Variants in APP observed in about 807,000 individuals in gnomAD.
The protein encoded by APP is amyloid beta precursor protein.
APP carries 31 observed loss-of-function variants against 101.4 expected under a neutral mutation model. The observed-to-expected ratio is 0.31, with a 90% CI of 0.23 to 0.41. The LOEUF is 0.41. Ranked by LOEUF, APP falls within the 10% of genes least tolerant of loss-of-function variation. The probability of loss-of-function intolerance (pLI) is 1.00; values close to 1 mark genes in which losing one functional copy is unlikely to be tolerated. For missense variants in APP, 839 were observed against 1,003.7 expected (o/e 0.84, Z 2.22); for synonymous variants, 366 against 364.4 (o/e 1.00, Z -0.05).
At chr21:25,900,076 TG>T (rs2038341089) in intron 15 of APP, among the ~76,000 whole-genome samples, 1 of 152,230 alleles carries the variant, frequency 6.6e-6, no homozygotes, top group Non-Finnish European at 1.5e-5. Flanking sequence ...CAACTCATTC[TG>T]CTGAAACGAA....
intron 10 of APP, among the ~76,000 whole-genome samples, chr21:25,975,688 C>G (rs1403803769): frequency 6.6e-6 from 1 of 152,058 alleles, no homozygotes; most frequent in Non-Finnish European, 1.5e-5. Context: ...ATTGTGGTGA[C>G]TGAAAAGATG....
chr21:26,155,722 G>A (rs978129655), intron 1 of APP, among the ~76,000 whole-genome samples: 7 of 152,108 alleles, frequency 4.6e-5, no homozygotes, highest in South Asian at 4.1e-4. Flanking sequence ...CTGGCTGGGC[G>A]CGGTGGCTCA....
chr21:26,062,783 GAA>G (rs2046323914), intron 3 of APP, among the ~76,000 whole-genome samples: 1 of 151,474 alleles, frequency 6.6e-6, no homozygotes, highest in Admixed American at 6.6e-5. Flanking sequence ...ATTTTTTTAA[GAA>G]AGAGTCTTAC....
At chr21:26,067,145 A>G (rs2046486126) in intron 3 of APP, among the ~76,000 whole-genome samples, 1 of 152,274 alleles carries the variant, frequency 6.6e-6, no homozygotes, top group African/African-American at 2.4e-5. Flanking sequence ...TAACATAAAA[A>G]GGTAAAAAGA....
chr21:26,079,725 G>A (rs982953680), intron 3 of APP, among the ~76,000 whole-genome samples: 2 of 152,132 alleles, frequency 1.3e-5, no homozygotes, highest in African/African-American at 2.4e-5. Context: ...GACCATGACC[G>A]TGTGAAATTT....
At chr21:26,140,081 T>C in intron 1 of APP, 1 of 1,120,360 alleles carries the variant, frequency 8.9e-7, no homozygotes, top group Non-Finnish European at 1.3e-6. Flanking sequence ...AAGATATTAC[T>C]GTCTGAGAAC....
intron 13 of APP, among the ~76,000 whole-genome samples, chr21:25,924,888 CT>C (rs35702065): frequency 1.3e-5 from 2 of 152,204 alleles, no homozygotes; most frequent in Admixed American, 6.5e-5. Flanking sequence ...TTACTATTTT[CT>C]TTCCTTTTTG....
intron 5 of APP, among the ~76,000 whole-genome samples, chr21:26,047,485 G>A (rs2146890881): frequency 6.6e-6 from 1 of 152,346 alleles, no homozygotes; most frequent in East Asian, 1.9e-4. Flanking sequence ...GATCAGTGAT[G>A]CAACACCTTT....
intron 3 of APP, among the ~76,000 whole-genome samples, chr21:26,084,719 C>T (rs538463603): frequency 2.6e-5 from 4 of 152,250 alleles, no homozygotes; most frequent in Non-Finnish European, 4.4e-5. Context: ...TAAGGAAGAT[C>T]AAGAATCTTC....
chr21:26,072,571 A>C lies in APP; in HGVS notation c.355+17372T>G, dbSNP rs2061427248. 3.3e-5 allele frequency among the ~76,000 whole-genome samples: 5 copies of C among 152,226 alleles called. No individual in the cohort carries two copies. In the South Asian group the frequency reaches 1.0e-3, roughly 31 times the overall value. ...TTTAAATTGTTAAAAATGAATGCATAAATATTTCCTAGGGATTTATGCTTG... is the reference window on the plus strand; with the variant it reads ...TTTAAATTGTTAAAAATGAATGCATCAATATTTCCTAGGGATTTATGCTTG... On this transcript the variant is annotated intron_variant, in intron 3 of 17. Coordinates refer to ENST00000346798, the MANE Select transcript of APP (RefSeq NM_000484.4).
Position 26,089,986 on chromosome 21 carries a change from C to T in APP, c.312G>A (p.Gln104=), listed in dbSNP as rs370274393. Residue 104 remains glutamine (Q), a synonymous_variant, in exon 3 of 18, where the codon CAG becomes CAA. Coordinates refer to ENST00000346798, the MANE Select transcript of APP (RefSeq NM_000484.4). ...TCACAAAGTGGGGATGGGTCTTGCA[C>T]TGCTTGCGGCCCCGCTTGCACCAGT... is the stretch of plus-strand genomic sequence containing the variant. ...IQNWCKRGRK[Q]CKTHPHFVIP... 5 of 1,614,106 alleles carry T rather than the reference C, an allele frequency of 3.1e-6. No individual in the cohort carries two copies. In the African/African-American group the frequency reaches 6.7e-5, roughly 22 times the overall value.
intron 1 of APP, among the ~76,000 whole-genome samples, chr21:26,126,035 T>C (rs1250360520): frequency 3.3e-5 from 5 of 152,212 alleles, no homozygotes; most frequent in African/African-American, 1.2e-4. Flanking sequence ...ACAATCTATA[T>C]CTCGCCCTTG....
At chr21:26,105,557 C>A (rs1326773584) in intron 2 of APP, among the ~76,000 whole-genome samples, 2 of 151,008 alleles carry the variant, frequency 1.3e-5, no homozygotes, top group Non-Finnish European at 3.0e-5. Context: ...CACTTTCCAA[C>A]ACACGCATGA....
chr21:26,100,508 G>A (rs918316243), intron 2 of APP, among the ~76,000 whole-genome samples: 4 of 152,022 alleles, frequency 2.6e-5, no homozygotes, highest in African/African-American at 4.8e-5. Context: ...CTTCCAACTC[G>A]GTAAGATTAA....
At chr21:26,160,797 T>C (rs2063473966) in intron 1 of APP, among the ~76,000 whole-genome samples, 1 of 152,224 alleles carries the variant, frequency 6.6e-6, no homozygotes, top group Admixed American at 6.5e-5. Context: ...CTATTGAAAG[T>C]GTCCCAATCA....
intron 3 of APP, 104 bp downstream of exon 3, chr21:26,089,839 G>A: frequency 1.3e-6 from 2 of 1,540,838 alleles, no homozygotes; most frequent in Non-Finnish European, 1.8e-6. Flanking sequence ...GTGGCAATGT[G>A]CTGAAGAACA....
At chr21:25,932,369 G>C (rs2040184539) in intron 13 of APP, among the ~76,000 whole-genome samples, 1 of 151,978 alleles carries the variant, frequency 6.6e-6, no homozygotes, top group South Asian at 2.1e-4. Context: ...TATTCACCTA[G>C]AGAACCACAA....
chr21:25,981,426 TC>T lies in APP; in HGVS notation c.1224+917del, dbSNP rs1475700993. 2.6e-5 allele frequency among the ~76,000 whole-genome samples: 4 copies of T among 152,164 alleles called. No homozygotes were observed. In the South Asian group the frequency reaches 6.2e-4, roughly 24 times the overall value. On this transcript the variant is annotated intron_variant, in intron 9 of 17. Coordinates refer to ENST00000346798, the MANE Select transcript of APP (RefSeq NM_000484.4). The stretch of plus-strand genomic sequence containing the variant: ...ATTCACTTTTATGTCCTACTTCTTT[TC>T]CCCCCACATTCACTCCTAGGTTTGT...
At chr21:25,945,708 C>T in intron 13 of APP, 1 of 329,554 alleles carries the variant, frequency 3.0e-6, no homozygotes. Flanking sequence ...TCTTTTTCTT[C>T]CTTTTTTTGA....
Sources: gnomAD v4.1 joint callset for allele counts (sites outside exome capture counted in the v4.1 genomes callset) on GRCh38, gnomAD v4.1.1 for gene constraint, MANE v1.5 for transcripts, NCBI Gene and HGNC (gene_info 2026-07-23, HGNC 2026-07-21) for gene names.